MOB1B: variants seen among roughly 807,000 people sequenced by gnomAD.
MOB1B encodes the protein MOB kinase activator 1B.
Under a neutral mutation model 24.4 loss-of-function variants are expected in MOB1B, and 19 were observed. The ratio of observed to expected loss-of-function variants is 0.78; its 90% CI spans 0.54 to 1.14. MOB1B has a LOEUF of 1.14. Among genes scored for constraint, MOB1B ranks in the 50% most tolerant of loss-of-function variants. The pLI, the probability that MOB1B is intolerant of heterozygous loss-of-function variation, is 0.00. For synonymous variants in MOB1B, 76 were observed against 82.1 expected (o/e 0.93, Z 0.40); for missense variants, 243 against 259.6 (o/e 0.94, Z 0.44).
intron 3 of MOB1B, among the ~76,000 whole-genome samples, chr4:70,971,111 C>CT (rs1286065046): frequency 2.0e-5 from 3 of 152,192 alleles, no homozygotes; most frequent in African/African-American, 2.4e-5. Context: ...GCAGGTGCAT[C>CT]TTTTGTTCTC....
chr4:70,975,410 A>G, intron 4 of MOB1B, 124 bp downstream of exon 4: 1 of 1,427,440 alleles, frequency 7.0e-7, no homozygotes. Context: ...ATATATGTAT[A>G]TGTTACGCAG....
chr4:70,968,610 C>T (rs999918881), intron 2 of MOB1B, among the ~76,000 whole-genome samples: 4 of 152,126 alleles, frequency 2.6e-5, no homozygotes, highest in African/African-American at 9.7e-5. Flanking sequence ...CGCGCCCAGC[C>T]TCATTTTACT....
At chr4:70,980,747 G>C (rs1739177521) in intron 5 of MOB1B, among the ~76,000 whole-genome samples, 1 of 152,140 alleles carries the variant, frequency 6.6e-6, no homozygotes, top group Non-Finnish European at 1.5e-5. Context: ...TGTATTTCCA[G>C]GGTCTCCATG....
chr4:70,928,211 T>C (rs552606352), intron 1 of MOB1B, among the ~76,000 whole-genome samples: 3 of 152,262 alleles, frequency 2.0e-5, no homozygotes, highest in South Asian at 2.1e-4. Context: ...TTTCAAAAAA[T>C]GTTTGTTTTA....
chr4:70,974,367 G>T (rs1416550690), intron 3 of MOB1B, among the ~76,000 whole-genome samples: 1 of 152,156 alleles, frequency 6.6e-6, no homozygotes, highest in Non-Finnish European at 1.5e-5. Flanking sequence ...GCCTCCTGAA[G>T]TGCTAGGATT....
intron 2 of MOB1B, among the ~76,000 whole-genome samples, chr4:70,967,279 G>A (rs1025857253): frequency 3.3e-5 from 5 of 152,126 alleles, no homozygotes; most frequent in South Asian, 2.1e-4. Flanking sequence ...GACTACGGGC[G>A]CATGCTGCCA....
At position 70,950,749 on chromosome 4, in the gene MOB1B, C is replaced by T. The variant is rs78234864; in HGVS notation, c.15-8125C>T. On this transcript the variant is annotated intron_variant, in intron 1 of 5. Transcript: ENST00000309395. ...GAACTTTCAGTTAACAAGTATTTAT[C>T]GAATACCTGATCTGTAGTGTTGGAC... The T allele has an allele frequency of 2.2e-3, 3,358 of 1,533,382 alleles. 66 individuals carry two copies. The African/African-American group carries it at 0.039, about 18-fold the overall frequency. The allele number at this position is 1,533,382 out of a possible 1,614,324, so 95.0% of individuals were successfully genotyped here.
chr4:70,981,051 G>A (rs1739194251), intron 5 of MOB1B, among the ~76,000 whole-genome samples: 1 of 152,122 alleles, frequency 6.6e-6, no homozygotes, highest in African/African-American at 2.4e-5. Flanking sequence ...CCTGGTCGCT[G>A]TGAAAGTATA....
intron 1 of MOB1B, among the ~76,000 whole-genome samples, chr4:70,951,308 GGT>G (rs1737794468): frequency 6.6e-6 from 1 of 152,046 alleles, no homozygotes; most frequent in East Asian, 1.9e-4. Context: ...GTGCCAAAAA[GGT>G]TGGGAGCCAC....
intron 1 of MOB1B, among the ~76,000 whole-genome samples, chr4:70,904,149 A>G (rs1560623738): frequency 1.3e-5 from 2 of 150,800 alleles, no homozygotes; most frequent in Non-Finnish European, 3.0e-5. Flanking sequence ...CGCCTGGCTA[A>G]TTTTTGTATT....
At chr4:70,910,044 G>A (rs1355817738) in intron 1 of MOB1B, among the ~76,000 whole-genome samples, 3 of 149,516 alleles carry the variant, frequency 2.0e-5, no homozygotes, top group East Asian at 2.0e-4. Context: ...CACCACGCCC[G>A]GCCTTTTTTT....
rs755661973 is a variant in MOB1B, at chr4:70,988,095, G to GT, written c.*6051dup. 1,844 of 140,782 alleles carry GT rather than the reference G, an allele frequency of 0.013. 18 individuals carry two copies. Among genetic ancestry groups the GT allele is most frequent in the African/African-American group, 0.03 (1,149 of 38,686 alleles). 8.7% of individuals were successfully genotyped at this position (140,782 alleles called of 1,614,324 possible). On this transcript the variant is annotated 3_prime_UTR_variant, in exon 6 of 6. Transcript: ENST00000309395. ...GATGGGAAATATTTAAATTCTAGGT[G>GT]TTTTTTTTTTTTTAAAGAAGAAACT...
chr4:70,935,847 A>ATTTT (rs11395356), intron 1 of MOB1B, among the ~76,000 whole-genome samples: 43 of 100,366 alleles, frequency 4.3e-4, no homozygotes, highest in East Asian at 1.2e-3. Flanking sequence ...TGGTACACTA[A>ATTTT]TTTTTTTTTT....
intron 1 of MOB1B, among the ~76,000 whole-genome samples, chr4:70,944,029 A>G (rs951870077): frequency 2.6e-5 from 4 of 152,182 alleles, no homozygotes; most frequent in African/African-American, 9.6e-5. Context: ...TAACATTTTT[A>G]TGGCAACTGC....
Position 70,955,167 on chromosome 4 carries a change from G to A in MOB1B, c.15-3707G>A, listed in dbSNP as rs140367609. Among the ~76,000 whole-genome samples the A allele has an allele frequency of 7.5e-3, 1,143 of 152,228 alleles. 14 individuals carry two copies. The highest frequency in any genetic ancestry group is 0.027 in the African/African-American group (1,104 of 41,556). ...AACATTGGAAGCCTAAAACGTCGGG[G>A]CAGAGTGGTTTGATTAGTAGATGAC... On this transcript the variant is annotated intron_variant, in intron 1 of 5. Coordinates refer to ENST00000309395, the MANE Select transcript of MOB1B (RefSeq NM_173468.4).
chr4:70,933,379 A>G (rs1736955517), intron 1 of MOB1B, among the ~76,000 whole-genome samples: 1 of 152,148 alleles, frequency 6.6e-6, no homozygotes, highest in Non-Finnish European at 1.5e-5. Flanking sequence ...GTTTACTAAC[A>G]TTTCTATACA....
chr4:70,961,471 T>C (rs907468264), intron 2 of MOB1B, among the ~76,000 whole-genome samples: 1 of 152,222 alleles, frequency 6.6e-6, no homozygotes, highest in Non-Finnish European at 1.5e-5. Flanking sequence ...TTTAATATTT[T>C]CAGCCCATGG....
intron 1 of MOB1B, among the ~76,000 whole-genome samples, chr4:70,920,255 T>C (rs181132095): frequency 5.9e-5 from 9 of 152,094 alleles, no homozygotes; most frequent in East Asian, 3.9e-4. Flanking sequence ...TCCTCCTCCT[T>C]CTCATTCTCC....
chr4:70,910,260 C>G (rs921573423), intron 1 of MOB1B, among the ~76,000 whole-genome samples: 1 of 151,930 alleles, frequency 6.6e-6, no homozygotes, highest in Non-Finnish European at 1.5e-5. Flanking sequence ...AGGCTGGTCT[C>G]GAACTCCTGG....
Sources: allele counts gnomAD v4.1 joint callset (sites outside exome capture counted in the v4.1 genomes callset), GRCh38; gene constraint gnomAD v4.1.1; transcripts MANE v1.5; gene names NCBI Gene and HGNC (gene_info 2026-07-23, HGNC 2026-07-21).